Variants in MGAT4C observed in about 807,000 individuals in gnomAD.
The protein encoded by MGAT4C is MGAT4 family member C.
MGAT4C carries 19 observed loss-of-function variants against 40.1 expected under a neutral mutation model. The ratio of observed to expected loss-of-function variants is 0.47; its 90% CI spans 0.33 to 0.70. MGAT4C has a LOEUF of 0.70. Among genes scored for constraint, MGAT4C ranks in the 30% least tolerant of loss-of-function variants. MGAT4C has a pLI of 0.02. For synonymous variants in MGAT4C, 181 were observed against 187.1 expected (o/e 0.97, Z 0.27); for missense variants, 491 against 563.2 (o/e 0.87, Z 1.30).
At chr12:86,706,065 A>G (rs1483968224) in intron 2 of MGAT4C, among the ~76,000 whole-genome samples, 1 of 152,170 alleles carries the variant, frequency 6.6e-6, no homozygotes, top group Non-Finnish European at 1.5e-5. Flanking sequence ...CTTACTTTCC[A>G]TTGATACACA....
chr12:86,337,972 C>G (rs1339115615), intron 3 of MGAT4C, among the ~76,000 whole-genome samples: 1 of 152,090 alleles, frequency 6.6e-6, no homozygotes, highest in African/African-American at 2.4e-5. Flanking sequence ...TAGCAGCAAT[C>G]ATAAGAGAAA....
At position 85,957,245 on chromosome 12, in the gene MGAT4C, A is replaced by C. The variant is rs1456837141; in HGVS notation, c.*22044T>G. On this transcript the variant is annotated 3_prime_UTR_variant, in exon 5 of 5. Transcript: ENST00000611864. ...GTTTAATTTTTATTTTATTTTCTTC[A>C]TCTGTAAATAAAGTCATATTATTTG... 1 of 152,204 alleles carries C rather than the reference A, an allele frequency of 6.6e-6. No homozygotes were observed. Among genetic ancestry groups the C allele is most frequent in the Non-Finnish European group, 1.5e-5 (1 of 68,040 alleles). The allele number at this position is 152,204 out of a possible 1,614,324, so 9.4% of individuals were successfully genotyped here.
intron 3 of MGAT4C, among the ~76,000 whole-genome samples, chr12:86,400,357 G>A (rs1956334354): frequency 6.6e-6 from 1 of 152,124 alleles, no homozygotes; most frequent in African/African-American, 2.4e-5. Flanking sequence ...AATAAAGACT[G>A]TATTACCCAA....
intron 4 of MGAT4C, among the ~76,000 whole-genome samples, chr12:86,315,401 G>C (rs1440270318): frequency 2.0e-5 from 3 of 152,076 alleles, no homozygotes; most frequent in Non-Finnish European, 4.4e-5. Flanking sequence ...AGACCTCAGA[G>C]TATCAGAATC....
At chr12:86,247,114 A>T (rs959623625) in intron 1 of MGAT4C, among the ~76,000 whole-genome samples, 1 of 152,188 alleles carries the variant, frequency 6.6e-6, no homozygotes, top group Non-Finnish European at 1.5e-5. Flanking sequence ...AATATTTTTT[A>T]TTATTCTGTG....
intron 1 of MGAT4C, among the ~76,000 whole-genome samples, chr12:86,834,619 C>T (rs1182312311): frequency 6.6e-6 from 1 of 151,286 alleles, no homozygotes; most frequent in Non-Finnish European, 1.5e-5. Flanking sequence ...CCACCACACA[C>T]ACACACACAC....
At chr12:86,074,313 A>C (rs1235090054) in intron 1 of MGAT4C, among the ~76,000 whole-genome samples, 1 of 150,002 alleles carries the variant, frequency 6.7e-6, no homozygotes, top group African/African-American at 2.5e-5. Flanking sequence ...CCTTGTAATC[A>C]TGTGAGTTAA....
intron 4 of MGAT4C, among the ~76,000 whole-genome samples, chr12:86,270,057 ATGTTT>A (rs1030619696): frequency 2.6e-5 from 4 of 151,144 alleles, no homozygotes; most frequent in South Asian, 2.1e-4. Flanking sequence ...TTGTTTTGTT[ATGTTT>A]TGTTTTGTTT....
In MGAT4C at chr12:85,966,294, C is replaced by A. The variant is rs1322531203; in HGVS notation, c.*12995G>T. 1 of 151,748 alleles carries A rather than the reference C, an allele frequency of 6.6e-6. No homozygotes were observed. Among genetic ancestry groups the A allele is most frequent in the Non-Finnish European group, 1.5e-5 (1 of 67,952 alleles). The allele number at this position is 151,748 out of a possible 1,614,324, so 9.4% of individuals were successfully genotyped here. On this transcript the variant is annotated 3_prime_UTR_variant, in exon 5 of 5. Coordinates refer to ENST00000611864, the MANE Select transcript of MGAT4C (RefSeq NM_001351288.2). Reference sequence around the variant, plus strand: ...TAAGCTTGTGGATGAAGCCGCATGTCTCTTTTTTTTTTAACCTGGCATATA... The same window carrying A: ...TAAGCTTGTGGATGAAGCCGCATGTATCTTTTTTTTTTAACCTGGCATATA...
At chr12:86,540,452 G>A (rs966120650) in intron 2 of MGAT4C, among the ~76,000 whole-genome samples, 2 of 152,292 alleles carry the variant, frequency 1.3e-5, no homozygotes, top group South Asian at 4.1e-4. Flanking sequence ...GAAATTCTAA[G>A]CTTGGCTGGG....
rs918746992 is a variant in MGAT4C at position 85,963,865 on chromosome 12, A to C, written c.*15424T>G. 2 of 152,006 alleles carry C rather than the reference A, an allele frequency of 1.3e-5. No individual in the cohort carries two copies. The highest frequency in any genetic ancestry group is 2.4e-5 in the African/African-American group (1 of 41,432). 9.4% of individuals were successfully genotyped at this position (152,006 alleles called of 1,614,324 possible). ...AATAAGAGAAAGTAGAATGCTTGGG[A>C]GGTCATATGTTTCAAATGTATGCAT... is the stretch of plus-strand genomic sequence containing the variant. On this transcript the variant is annotated 3_prime_UTR_variant, in exon 5 of 5. Coordinates refer to ENST00000611864, the MANE Select transcript of MGAT4C (RefSeq NM_001351288.2).
chr12:86,826,218 G>A (rs959805295), intron 1 of MGAT4C, among the ~76,000 whole-genome samples: 5 of 151,252 alleles, frequency 3.3e-5, no homozygotes, highest in African/African-American at 1.2e-4. Flanking sequence ...CATCGCTATC[G>A]ACTTCCTGTG....
At chr12:86,041,701 G>T (rs1217706524) in intron 2 of MGAT4C, among the ~76,000 whole-genome samples, 2 of 152,108 alleles carry the variant, frequency 1.3e-5, no homozygotes, top group Admixed American at 1.3e-4. Context: ...GTGTGATTTT[G>T]CTTTTTTAGA....
At chr12:86,169,779 A>C (rs1012269315) in intron 1 of MGAT4C, among the ~76,000 whole-genome samples, 1 of 152,186 alleles carries the variant, frequency 6.6e-6, no homozygotes, top group Non-Finnish European at 1.5e-5. Flanking sequence ...TTTGAGGGGA[A>C]AACTGGAGTA....
chr12:86,774,289 T>TTCTTTC (rs1286148696), intron 1 of MGAT4C, among the ~76,000 whole-genome samples: 5 of 25,550 alleles, frequency 2.0e-4, no homozygotes, highest in African/African-American at 4.7e-4. Flanking sequence ...TGCTCTTTCT[T>TTCTTTC]TCTTTCTTTC....
intron 2 of MGAT4C, among the ~76,000 whole-genome samples, chr12:86,507,710 G>T (rs182596089): frequency 2.9e-4 from 44 of 152,218 alleles, no homozygotes; most frequent in African/African-American, 9.9e-4. Context: ...AAATTTTGGG[G>T]TTTCCCTCTT....
At chr12:86,771,042 T>C (rs1345095840) in intron 1 of MGAT4C, among the ~76,000 whole-genome samples, 3 of 152,256 alleles carry the variant, frequency 2.0e-5, no homozygotes, top group East Asian at 1.9e-4. Flanking sequence ...TAATTCAATA[T>C]GACTGGTGTC....
intron 2 of MGAT4C, among the ~76,000 whole-genome samples, chr12:86,723,701 G>C (rs1950773660): frequency 6.6e-6 from 1 of 151,626 alleles, no homozygotes. Context: ...AAATACATGA[G>C]TTTGGGGGGG....
chr12:86,614,470 T>G (rs1234584961), intron 2 of MGAT4C, among the ~76,000 whole-genome samples: 2 of 152,118 alleles, frequency 1.3e-5, no homozygotes, highest in Non-Finnish European at 2.9e-5. Context: ...AATGATAATA[T>G]TTAAAAATAA....
Sources: gnomAD v4.1 joint callset for allele counts (sites outside exome capture counted in the v4.1 genomes callset) on GRCh38, gnomAD v4.1.1 for gene constraint, MANE v1.5 for transcripts, NCBI Gene and HGNC (gene_info 2026-07-23, HGNC 2026-07-21) for gene names.